Variants in SNRPD1 observed in about 807,000 individuals in gnomAD.
SNRPD1 encodes the protein small nuclear ribonucleoprotein Sm D1.
SNRPD1 carries 1 observed loss-of-function variant against 14.4 expected under a neutral mutation model. That is an observed-to-expected ratio of 0.07 (90% CI 0.02 to 0.33). The LOEUF (loss-of-function observed/expected upper bound fraction) is 0.33, where lower values mean the gene tolerates loss of function less well. SNRPD1 is among the 10% of genes least tolerant of loss of function. SNRPD1 has a pLI of 1.00. For synonymous variants in SNRPD1, 42 were observed against 50.3 expected (o/e 0.83, Z 0.70); for missense variants, 52 against 146.4 (o/e 0.36, Z 3.33).
At chr18:21,628,300 A>C (rs1200228994) in intron 3 of SNRPD1, among the ~76,000 whole-genome samples, 1 of 152,182 alleles carries the variant, frequency 6.6e-6, no homozygotes, top group African/African-American at 2.4e-5. Flanking sequence ...GGATCACTTG[A>C]GCCCAGGAGT....
intron 1 of SNRPD1, among the ~76,000 whole-genome samples, chr18:21,616,163 T>G (rs188417850): frequency 1.3e-5 from 2 of 151,562 alleles, no homozygotes; most frequent in East Asian, 3.9e-4. Context: ...TTTTTTGTAT[T>G]TTTAGTAGAG....
intron 1 of SNRPD1, among the ~76,000 whole-genome samples, chr18:21,616,041 A>G (rs919227184): frequency 1.3e-5 from 2 of 152,178 alleles, no homozygotes; most frequent in Admixed American, 1.3e-4. Context: ...GCTGGAGTGC[A>G]GTGGCATGAT....
chr18:21,619,982 T>C (rs2038985919), intron 1 of SNRPD1, among the ~76,000 whole-genome samples: 1 of 151,164 alleles, frequency 6.6e-6, no homozygotes, highest in Non-Finnish European at 1.5e-5. Flanking sequence ...CGAGATGGAG[T>C]CTTGCTCTGT....
intron 2 of SNRPD1, among the ~76,000 whole-genome samples, 169 bp from the exon 3 acceptor site, chr18:21,623,579 C>A (rs978249867): frequency 5.9e-5 from 9 of 152,226 alleles, no homozygotes; most frequent in Non-Finnish European, 1.5e-5. Flanking sequence ...ACACTGCTGA[C>A]ATTCCCCCAT....
In SNRPD1 at chr18:21,629,385, A is replaced by G; in HGVS notation, c.*247A>G. The stretch of plus-strand genomic sequence containing the variant: ...AACTAAAATTTTTCTTTTTCTTTTT[A>G]TGATGAATAAGGTTAAAATAAAAGC... On this transcript the variant is annotated 3_prime_UTR_variant, in exon 4 of 4. Transcript: ENST00000300413. 1 of 405,144 alleles carries G rather than the reference A, an allele frequency of 2.5e-6. No homozygotes were observed. Among genetic ancestry groups the G allele is most frequent in the Non-Finnish European group, 4.5e-6 (1 of 224,236 alleles). 25.1% of individuals were successfully genotyped at this position (405,144 alleles called of 1,614,324 possible). A position where few individuals can be genotyped will look rare whatever the true frequency, so the allele number is the denominator to read the frequency against.
In SNRPD1 at chr18:21,614,036, G is replaced by T. The variant is rs573355924; in HGVS notation, c.14+1593G>T. ...GCCTGTAATCCCAACACTTTGGGAGGCTGAGGCAGGCGGATCGCCTGAGGT... is the reference window on the plus strand; with the variant it reads ...GCCTGTAATCCCAACACTTTGGGAGTCTGAGGCAGGCGGATCGCCTGAGGT... On this transcript the variant is annotated intron_variant, in intron 1 of 3. Coordinates refer to ENST00000300413, the MANE Select transcript of SNRPD1 (RefSeq NM_006938.4). Among the ~76,000 whole-genome samples the T allele has an allele frequency of 4.6e-5, 7 of 152,188 alleles. No homozygotes were observed. The South Asian group carries it at 1.5e-3, about 32-fold the overall frequency.
At chr18:21,616,388 C>T (rs1464339020) in intron 1 of SNRPD1, among the ~76,000 whole-genome samples, 1 of 152,110 alleles carries the variant, frequency 6.6e-6, no homozygotes, top group African/African-American at 2.4e-5. Context: ...TAGTGTCTCT[C>T]TTCTTGTAGC....
chr18:21,625,415 C>T (rs2039030421), intron 3 of SNRPD1, among the ~76,000 whole-genome samples: 1 of 147,158 alleles, frequency 6.8e-6, no homozygotes, highest in Non-Finnish European at 1.5e-5. Context: ...CTCCTGGGTT[C>T]AAGCGATTCT....
At chr18:21,621,009 A>G (rs989229069) in intron 1 of SNRPD1, among the ~76,000 whole-genome samples, 5 of 151,940 alleles carry the variant, frequency 3.3e-5, no homozygotes, top group African/African-American at 1.2e-4. Context: ...TAAAAAAAAA[A>G]TACAAAAAAT....
chr18:21,625,812 G>A (rs1282510190), intron 3 of SNRPD1, among the ~76,000 whole-genome samples: 1 of 151,820 alleles, frequency 6.6e-6, no homozygotes, highest in Non-Finnish European at 1.5e-5. Flanking sequence ...GGGTTTCACC[G>A]TGTTAGCCAA....
intron 1 of SNRPD1, among the ~76,000 whole-genome samples, chr18:21,615,613 G>A (rs777886712): frequency 2.0e-5 from 3 of 149,786 alleles, no homozygotes; most frequent in Non-Finnish European, 4.4e-5. Context: ...GCGAGACTCC[G>A]TCTCAAAAAA....
intron 3 of SNRPD1, among the ~76,000 whole-genome samples, chr18:21,626,127 T>G (rs1220597657): frequency 4.6e-5 from 7 of 152,048 alleles, no homozygotes; most frequent in Admixed American, 3.3e-4. Flanking sequence ...GTGCGGTGGC[T>G]CATGCCTGTA....
At chr18:21,627,729 A>G (rs951275412) in intron 3 of SNRPD1, among the ~76,000 whole-genome samples, 54 of 152,246 alleles carry the variant, frequency 3.5e-4, no homozygotes, top group African/African-American at 1.3e-3. Flanking sequence ...AGGAATTCCC[A>G]TACACTTTTC....
chr18:21,617,195 C>T (rs1476969682), intron 1 of SNRPD1, among the ~76,000 whole-genome samples: 1 of 151,834 alleles, frequency 6.6e-6, no homozygotes, highest in African/African-American at 2.4e-5. Context: ...TGGCTCATGC[C>T]TGTAATCCCA....
chr18:21,616,746 C>T (rs1321352729), intron 1 of SNRPD1, among the ~76,000 whole-genome samples: 4 of 144,410 alleles, frequency 2.8e-5, no homozygotes, highest in South Asian at 2.2e-4. Flanking sequence ...AGTGCAGTGG[C>T]GCACTCTCGG....
intron 1 of SNRPD1, among the ~76,000 whole-genome samples, chr18:21,616,134 T>C (rs550574635): frequency 2.6e-5 from 4 of 152,112 alleles, no homozygotes; most frequent in East Asian, 3.9e-4. Context: ...TACAGGCGCC[T>C]GCCACCACGC....
At position 21,630,317 on chromosome 18, in the gene SNRPD1, C is replaced by T. The variant is rs2039072089; in HGVS notation, c.*1179C>T. ...TGCTAAGCTCAGAAAAAATGTCTCT[C>T]AGTGCATCAGTTCTTTGTAAAGCTT... On this transcript the variant is annotated 3_prime_UTR_variant, in exon 4 of 4. Transcript: ENST00000300413. 2 of 152,018 alleles carry T rather than the reference C, an allele frequency of 1.3e-5. No homozygotes were observed. Among genetic ancestry groups the T allele is most frequent in the South Asian group, 4.1e-4 (2 of 4,834 alleles). The allele number at this position is 152,018 out of a possible 1,614,324, so 9.4% of individuals were successfully genotyped here.
intron 3 of SNRPD1, 130 bp from the exon 4 acceptor site, chr18:21,628,932 C>A (rs763953245): frequency 2.7e-6 from 2 of 740,436 alleles, no homozygotes; most frequent in Non-Finnish European, 2.4e-6. Context: ...GCTAGTTAAA[C>A]TTTATTTACT....
Position 21,612,463 on chromosome 18 carries a change from G to A in SNRPD1, c.14+20G>A. On this transcript the variant is annotated intron_variant, in intron 1 of 3. Coordinates refer to ENST00000300413, the MANE Select transcript of SNRPD1 (RefSeq NM_006938.4). The stretch of plus-strand genomic sequence containing the variant: ...CGTGAGGTGAGGGAGTGACCAAGCA[G>A]CTCTGGGGGCTGTGAAGGGAGGGCT... 6.7e-7 allele frequency: 1 copy of A among 1,502,526 alleles called. No homozygotes were observed. Among genetic ancestry groups the A allele is most frequent in the East Asian group, 2.6e-5 (1 of 39,122 alleles). 93.1% of individuals were successfully genotyped at this position (1,502,526 alleles called of 1,614,324 possible). A position where few individuals can be genotyped will look rare whatever the true frequency, so the allele number is the denominator to read the frequency against.
Sources: allele counts gnomAD v4.1 joint callset (sites outside exome capture counted in the v4.1 genomes callset), GRCh38; gene constraint gnomAD v4.1.1; transcripts MANE v1.5; gene names NCBI Gene and HGNC (gene_info 2026-07-23, HGNC 2026-07-21).